Variants in ADGRD1 observed in about 807,000 individuals in gnomAD.
ADGRD1 encodes G-protein coupled receptor 133.
Under a neutral mutation model 113.4 loss-of-function variants are expected in ADGRD1, and 77 were observed. The observed-to-expected ratio is 0.68, with a 90% CI of 0.57 to 0.82. The LOEUF (loss-of-function observed/expected upper bound fraction) is 0.82. Among genes scored for constraint, ADGRD1 ranks in the 40% least tolerant of loss-of-function variants. The pLI is 0.00. For synonymous variants in ADGRD1, 474 were observed against 475.0 expected, an observed-to-expected ratio of 1.00 and a Z score of 0.03; for missense variants, 1,036 against 1,139.1, an observed-to-expected ratio of 0.91 and a Z score of 1.30.
At chr12:131,101,414 TCTGG>T (rs1175266441) in intron 15 of ADGRD1, among the ~76,000 whole-genome samples, 1 of 128,246 alleles carries the variant, frequency 7.8e-6, no homozygotes, top group African/African-American at 3.1e-5. Context: ...TGAGATGGAG[TCTGG>T]CTCTGTCGCC....
chr12:131,138,535 A>G lies in ADGRD1; in HGVS notation c.2529+306A>G, dbSNP rs566749151. 1.5e-3 allele frequency among the ~76,000 whole-genome samples: 229 copies of G among 152,304 alleles called. 2 individuals are homozygous for G. The highest frequency in any genetic ancestry group is 2.5e-3 in the Non-Finnish European group (167 of 68,022). On this transcript the variant is annotated intron_variant, in intron 24 of 24. Coordinates refer to ENST00000261654, the MANE Select transcript of ADGRD1 (RefSeq NM_198827.5). ...AGGTGGCCCATCCCCGCCGCCCTCC[A>G]GAGCCCAGGCAGGCCCCCAGGCAGT...
intron 21 of ADGRD1, among the ~76,000 whole-genome samples, chr12:131,133,903 C>T (rs1013655625): frequency 6.6e-6 from 1 of 152,174 alleles, no homozygotes; most frequent in Non-Finnish European, 1.5e-5. Flanking sequence ...GCCAAGCAGC[C>T]CAGTACTCAG....
chr12:130,995,764 A>T (rs1303622085), intron 8 of ADGRD1, among the ~76,000 whole-genome samples: 3 of 150,242 alleles, frequency 2.0e-5, no homozygotes, highest in East Asian at 1.9e-4. Flanking sequence ...GTTTTATTTT[A>T]TTTTTTTTAA....
intron 2 of ADGRD1, among the ~76,000 whole-genome samples, chr12:130,960,936 G>T (rs1375406860): frequency 1.3e-5 from 2 of 152,192 alleles, no homozygotes; most frequent in African/African-American, 4.8e-5. Context: ...AAAACGTGGG[G>T]ATCAGCATTC....
chr12:131,030,531 T>C (rs920780603), intron 13 of ADGRD1: 2 of 152,382 alleles, frequency 1.3e-5, no homozygotes, highest in African/African-American at 4.8e-5. Context: ...TCTGCTCCAG[T>C]TGATGTGGCA....
At position 131,023,400 on chromosome 12, in the gene ADGRD1, GCT is replaced by G. The variant is rs372255757; in HGVS notation, c.1473+9063_1473+9064del. ...TTCCTCCGAGCCACGGCGCACCCCC[GCT>G]CTGTCTCCATCCTCCATTCCCTGCA... On this transcript the variant is annotated intron_variant, in intron 13 of 24. Coordinates refer to ENST00000261654, the MANE Select transcript of ADGRD1 (RefSeq NM_198827.5). The G allele has an allele frequency of 5.8e-3, 883 of 152,142 alleles. 5 individuals are homozygous for G. Among genetic ancestry groups the G allele is most frequent in the Non-Finnish European group, 8.1e-3 (551 of 68,014 alleles). The allele number at this position is 152,142 out of a possible 1,614,324, so 9.4% of individuals were successfully genotyped here. A position where few individuals can be genotyped will look rare whatever the true frequency, so the allele number is the denominator to read the frequency against.
intron 2 of ADGRD1, chr12:130,956,793 GC>G (rs33997195): frequency 0.47 from 71,885 of 152,102 alleles, 17,162 homozygotes; most frequent in East Asian, 0.58. Context: ...GTGTCCACAT[GC>G]CCCCCCATGC....
chr12:131,015,855 C>T (rs897211094), intron 13 of ADGRD1, among the ~76,000 whole-genome samples: 1 of 152,228 alleles, frequency 6.6e-6, no homozygotes, highest in African/African-American at 2.4e-5. Context: ...AGTTTACAGA[C>T]TTATTGTCAA....
At chr12:131,132,035 G>T (rs1453247994) in intron 21 of ADGRD1, among the ~76,000 whole-genome samples, 3 of 152,190 alleles carry the variant, frequency 2.0e-5, no homozygotes, top group Non-Finnish European at 4.4e-5. Flanking sequence ...GAGCTCCCAT[G>T]TGTAGAAGAA....
At chr12:131,092,906 CAAG>C (rs1232511684) in intron 15 of ADGRD1, among the ~76,000 whole-genome samples, 3 of 126,432 alleles carry the variant, frequency 2.4e-5, no homozygotes, top group Non-Finnish European at 3.5e-5. Context: ...TTAAATAAAA[CAAG>C]AAGAGGAAGA....
intron 13 of ADGRD1, among the ~76,000 whole-genome samples, chr12:131,058,291 G>A (rs897453323): frequency 2.0e-5 from 3 of 152,170 alleles, no homozygotes. Context: ...CGTCGTGAGC[G>A]TCCTGGGTCA....
At chr12:131,065,370 C>T (rs1459704694) in intron 13 of ADGRD1, among the ~76,000 whole-genome samples, 6 of 152,206 alleles carry the variant, frequency 3.9e-5, no homozygotes, top group East Asian at 1.9e-4. Context: ...ATCATGAGAA[C>T]GCTCGGGCCC....
At chr12:131,115,893 C>T (rs1258514915) in intron 18 of ADGRD1, among the ~76,000 whole-genome samples, 1 of 152,160 alleles carries the variant, frequency 6.6e-6, no homozygotes, top group African/African-American at 2.4e-5. Context: ...GAAGGCAACT[C>T]ATTACGTTCC....
At chr12:130,998,195 G>T (rs957689390) in intron 8 of ADGRD1, among the ~76,000 whole-genome samples, 2 of 151,946 alleles carry the variant, frequency 1.3e-5, no homozygotes, top group Non-Finnish European at 2.9e-5. Context: ...CGTGGGGAGA[G>T]GGAGGGGGAG....
chr12:131,033,830 C>T (rs891198098), intron 13 of ADGRD1, among the ~76,000 whole-genome samples: 7 of 152,116 alleles, frequency 4.6e-5, no homozygotes, highest in Non-Finnish European at 8.8e-5. Flanking sequence ...CCCTGAGCCG[C>T]GTGGGTGAAG....
chr12:131,138,765 C>T (rs1488583044), intron 24 of ADGRD1, among the ~76,000 whole-genome samples: 1 of 152,254 alleles, frequency 6.6e-6, no homozygotes. Flanking sequence ...TCCATGGGAG[C>T]TGGCTGGCTC....
At chr12:131,122,820 C>T (rs935480428) in intron 20 of ADGRD1, among the ~76,000 whole-genome samples, 1 of 152,172 alleles carries the variant, frequency 6.6e-6, no homozygotes, top group Non-Finnish European at 1.5e-5. Context: ...TCCGAGGTGG[C>T]TCTGCCTGGC....
intron 8 of ADGRD1, among the ~76,000 whole-genome samples, chr12:130,996,429 A>T (rs1249195219): frequency 1.3e-5 from 1 of 74,720 alleles, no homozygotes; most frequent in Non-Finnish European, 2.9e-5. Flanking sequence ...TCCCTCCCGG[A>T]CGGGGCGGCT....
intron 9 of ADGRD1, chr12:131,002,861 C>T: frequency 8.2e-7 from 1 of 1,217,464 alleles, no homozygotes; most frequent in Non-Finnish European, 1.1e-6. Flanking sequence ...CTGGGATGTG[C>T]TGAGGGTCCC....
Sources: allele counts gnomAD v4.1 joint callset (sites outside exome capture counted in the v4.1 genomes callset), GRCh38; gene constraint gnomAD v4.1.1; transcripts MANE v1.5; gene names NCBI Gene and HGNC (gene_info 2026-07-23, HGNC 2026-07-21).